Variants in SDK1 observed in about 807,000 individuals in gnomAD.
SDK1 encodes sidekick cell adhesion molecule 1.
In SDK1, 157 loss-of-function variants were observed where a neutral mutation model predicts 245.5. The ratio of observed to expected loss-of-function variants is 0.64; its 90% CI spans 0.56 to 0.73. The LOEUF (loss-of-function observed/expected upper bound fraction) is 0.73, where lower values mean the gene tolerates loss of function less well. SDK1 is among the 30% of genes least tolerant of loss of function. SDK1 has a pLI of 0.00. For missense variants in SDK1, 3,583 were observed against 3,002.3 expected, an observed-to-expected ratio of 1.19 and a Z score of -4.52; for synonymous variants, 1,647 against 1,278.5, an observed-to-expected ratio of 1.29 and a Z score of -6.15.
At chr7:3,493,152 C>T (rs993446073) in intron 1 of SDK1, among the ~76,000 whole-genome samples, 12 of 152,110 alleles carry the variant, frequency 7.9e-5, no homozygotes, top group African/African-American at 2.2e-4. Context: ...GGAGTTTCAC[C>T]GTGTTAGCCA....
intron 22 of SDK1, among the ~76,000 whole-genome samples, chr7:4,082,680 G>T (rs1781138721): frequency 6.6e-6 from 1 of 151,280 alleles, no homozygotes; most frequent in Non-Finnish European, 1.5e-5. Flanking sequence ...GAGTGAAGTG[G>T]TATGATCTCG....
chr7:3,735,927 C>G (rs1162003038), intron 4 of SDK1, among the ~76,000 whole-genome samples: 1 of 152,120 alleles, frequency 6.6e-6, no homozygotes, highest in Non-Finnish European at 1.5e-5. Flanking sequence ...ATTCCATTTT[C>G]CTGATCATTG....
chr7:3,329,051 CCT>C (rs1236437546), intron 1 of SDK1, among the ~76,000 whole-genome samples: 6 of 152,074 alleles, frequency 3.9e-5, no homozygotes, highest in East Asian at 3.8e-4. Context: ...CCGTTTATCC[CCT>C]CTCTTGCTAC....
chr7:4,203,900 T>C (rs888781317), intron 35 of SDK1, among the ~76,000 whole-genome samples: 3 of 152,248 alleles, frequency 2.0e-5, no homozygotes, highest in Non-Finnish European at 4.4e-5. Flanking sequence ...GGCACGGCAG[T>C]GCGGCTCAGC....
rs1780043921 is a variant in SDK1, at chr7:3,837,069, T to G, written c.847+15486T>G. On this transcript the variant is annotated intron_variant, in intron 5 of 44. Transcript: ENST00000404826. ...GTTAGAGACACCGCATGATCTCATT[T>G]AACCTGAGTCACTTCCTTAAGGGCC... Among the ~76,000 whole-genome samples, 3 of 152,338 alleles carry G rather than the reference T, an allele frequency of 2.0e-5. No homozygotes were observed. In the South Asian group the frequency reaches 6.2e-4, roughly 32 times the overall value.
rs777787666 is a variant in SDK1, at chr7:4,233,415, G to A, written c.5988G>A (p.Val1996=). 6.2e-7 allele frequency: 1 copy of A among 1,611,762 alleles called. No individual in the cohort carries two copies. The highest frequency in any genetic ancestry group is 8.5e-7 in the Non-Finnish European group (1 of 1,179,822). ...YGEPSNPSTA[V]SAQVEAPFYE... ...AGCCCAGCAACCCCTCCACGGCTGT[G>A]TCAGGTAGGCCCTCCCAGGGAGGTC... The change falls in exon 41 of 45, where the codon GTG becomes GTA. Residue 1996 remains valine (V), a synonymous_variant. Coordinates refer to ENST00000404826, the MANE Select transcript of SDK1 (RefSeq NM_152744.4).
intron 4 of SDK1, among the ~76,000 whole-genome samples, chr7:3,744,593 C>CCA: frequency 6.6e-6 from 1 of 152,246 alleles, no homozygotes; most frequent in Admixed American, 6.5e-5. Flanking sequence ...GGGCAGATCA[C>CCA]AAAGTCAGGA....
At chr7:4,054,516 A>C (rs1779085306) in intron 19 of SDK1, among the ~76,000 whole-genome samples, 1 of 152,300 alleles carries the variant, frequency 6.6e-6, no homozygotes, top group South Asian at 2.1e-4. Context: ...ACGATAATCA[A>C]GATCTTGAAT....
chr7:3,415,400 T>A (rs1779333974), intron 1 of SDK1, among the ~76,000 whole-genome samples: 1 of 152,110 alleles, frequency 6.6e-6, no homozygotes, highest in Admixed American at 6.5e-5. Flanking sequence ...TATATCTATA[T>A]GTAATCTCAA....
intron 5 of SDK1, among the ~76,000 whole-genome samples, chr7:3,924,799 C>A (rs1026594263): frequency 6.6e-5 from 10 of 152,132 alleles, no homozygotes; most frequent in African/African-American, 2.4e-4. Context: ...CATAGCTCTT[C>A]CCACTTGAAG....
chr7:3,698,073 G>C (rs1784626194), intron 4 of SDK1, among the ~76,000 whole-genome samples: 3 of 152,128 alleles, frequency 2.0e-5, no homozygotes, highest in African/African-American at 7.2e-5. Flanking sequence ...CAGTCCAGTT[G>C]CCAGTGGGCA....
At chr7:3,375,217 T>C (rs559136003) in intron 1 of SDK1, among the ~76,000 whole-genome samples, 1 of 152,136 alleles carries the variant, frequency 6.6e-6, no homozygotes, top group East Asian at 1.9e-4. Flanking sequence ...GAGAAAATTT[T>C]AGAAAACAAA....
chr7:4,107,880 G>A (rs546783902), intron 22 of SDK1, among the ~76,000 whole-genome samples: 2 of 152,278 alleles, frequency 1.3e-5, no homozygotes, highest in East Asian at 1.9e-4. Flanking sequence ...GAGCTGTGCC[G>A]ATGTGTGACA....
At chr7:3,945,351 G>A (rs140848316) in intron 5 of SDK1, among the ~76,000 whole-genome samples, 1,596 of 152,200 alleles carry the variant, frequency 0.01, 19 homozygotes, top group South Asian at 0.037. Flanking sequence ...TGTATAAAAG[G>A]ACACAGGGAT....
chr7:4,218,908 A>T (rs1294287575), intron 38 of SDK1, among the ~76,000 whole-genome samples: 7 of 151,870 alleles, frequency 4.6e-5, no homozygotes, highest in Admixed American at 1.3e-4. Context: ...TTTTTAATGC[A>T]TCATTTTCAA....
chr7:3,770,087 G>A (rs1336130169), intron 4 of SDK1, among the ~76,000 whole-genome samples: 2 of 152,008 alleles, frequency 1.3e-5, no homozygotes, highest in African/African-American at 2.4e-5. Flanking sequence ...AGGGCCGAAA[G>A]TGGTGAATGT....
intron 1 of SDK1, among the ~76,000 whole-genome samples, chr7:3,442,453 A>G (rs1349826602): frequency 1.3e-5 from 2 of 152,172 alleles, no homozygotes; most frequent in Non-Finnish European, 2.9e-5. Flanking sequence ...AGTTCAGGAC[A>G]TATTTATCCT....
chr7:3,919,650 G>A (rs757883477), intron 5 of SDK1, among the ~76,000 whole-genome samples: 4 of 152,320 alleles, frequency 2.6e-5, no homozygotes, highest in Admixed American at 2.0e-4. Flanking sequence ...CTCTTAGAGC[G>A]CTTAAAGATT....
intron 13 of SDK1, among the ~76,000 whole-genome samples, chr7:3,980,786 A>G (rs1238843667): frequency 6.6e-5 from 10 of 152,168 alleles, no homozygotes; most frequent in Admixed American, 5.9e-4. Flanking sequence ...TACTAAAAAT[A>G]CAAAAATTAG....
Sources: gnomAD v4.1 joint callset for allele counts (sites outside exome capture counted in the v4.1 genomes callset) on GRCh38, gnomAD v4.1.1 for gene constraint, MANE v1.5 for transcripts, NCBI Gene and HGNC (gene_info 2026-07-23, HGNC 2026-07-21) for gene names.